Variants in ODF4 observed in about 807,000 individuals in gnomAD.
ODF4 encodes the protein outer dense fiber protein 4.
A neutral mutation model predicts 17.0 loss-of-function variants in ODF4; 11 were observed. That is an observed-to-expected ratio of 0.65 (90% CI 0.41 to 1.07). The LOEUF is 1.07. ODF4 is among the 50% of genes least tolerant of loss of function. ODF4 has a pLI of 0.00. For missense variants in ODF4, 281 were observed against 310.2 expected (o/e 0.91, Z 0.71); for synonymous variants, 127 against 121.8 (o/e 1.04, Z -0.28).
intron 1 of ODF4, chr17:8,344,808 C>T: frequency 1.1e-6 from 1 of 934,212 alleles, no homozygotes; most frequent in Non-Finnish European, 1.3e-6. Flanking sequence ...TGTATTTGCT[C>T]ATTTGATTAT....
In ODF4 at chr17:8,345,085, C is replaced by A; in HGVS notation, c.455-258C>A. 1.0e-6 allele frequency: 1 copy of A among 965,018 alleles called. No homozygotes were observed. The highest frequency in any genetic ancestry group is 1.4e-6 in the Non-Finnish European group (1 of 731,396). 59.8% of individuals were successfully genotyped at this position (965,018 alleles called of 1,614,324 possible). On this transcript the variant is annotated intron_variant, in intron 1 of 2. Coordinates refer to ENST00000328248, the MANE Select transcript of ODF4 (RefSeq NM_153007.5). The surrounding 1 kb of genome is among the most constrained non-coding windows in gnomAD (Gnocchi z 4.1). Reference sequence around the variant, plus strand: ...AAAGGTCCTTTGTTTTCCTAACCCCCATCTTCCTGGGCACTTCTCCCTCTT... The same window carrying A: ...AAAGGTCCTTTGTTTTCCTAACCCCAATCTTCCTGGGCACTTCTCCCTCTT...
chr17:8,344,759 T>C, intron 1 of ODF4: 1 of 505,322 alleles, frequency 2.0e-6, no homozygotes, highest in Non-Finnish European at 2.6e-6. Context: ...CGTGCTAGGA[T>C]TACAGGCGTG....
chr17:8,343,232 A>G (rs531193125), intron 1 of ODF4, among the ~76,000 whole-genome samples: 12 of 151,604 alleles, frequency 7.9e-5, no homozygotes, highest in Non-Finnish European at 1.8e-4. Flanking sequence ...CCTGGGCTCA[A>G]GTGATCCTTC....
rs368797797 is a variant in ODF4 at position 8,343,749 on chromosome 17, C to T, written c.455-1594C>T. ...CAGGATGGTCTCGATCTCCTGACCT[C>T]GTGATCTGCCCACCTCGGCCTCCCA... is the stretch of plus-strand genomic sequence containing the variant. On this transcript the variant is annotated intron_variant, in intron 1 of 2. Transcript: ENST00000328248. Among the ~76,000 whole-genome samples, 5 of 123,870 alleles carry T rather than the reference C, an allele frequency of 4.0e-5. 1 individual carries two copies. The highest frequency in any genetic ancestry group is 2.5e-4 in the South Asian group (1 of 3,924). The allele number at this position is 123,870 out of a possible 152,430, so 81.3% of individuals were successfully genotyped here.
rs1906233484 is a variant in ODF4 at position 8,345,988 on chromosome 17, C to T, written c.*136C>T. 6.2e-6 allele frequency: 4 copies of T among 643,246 alleles called. No homozygotes were observed. In the South Asian group the frequency reaches 8.3e-5, roughly 13 times the overall value. The allele number at this position is 643,246 out of a possible 1,614,324, so 39.8% of individuals were successfully genotyped here. The stretch of plus-strand genomic sequence containing the variant: ...GGAGGATTTTGCACTCCTCTGCTTT[C>T]TCCCTGCCTTGATTGAGCTTGAGTG... On this transcript the variant is annotated 3_prime_UTR_variant, in exon 3 of 3. Coordinates refer to ENST00000328248, the MANE Select transcript of ODF4 (RefSeq NM_153007.5). This position sits in a 1 kb window ranked among gnomAD's most constrained non-coding sequence, Gnocchi z 4.1.
intron 1 of ODF4, among the ~76,000 whole-genome samples, chr17:8,341,559 A>G (rs1597475720): frequency 6.6e-6 from 1 of 151,956 alleles, no homozygotes; most frequent in African/African-American, 2.4e-5. Context: ...CAGTGGTGCA[A>G]TCATAGCTCA....
intron 1 of ODF4, 77 bp downstream of exon 1, chr17:8,340,582 C>A: frequency 1.2e-6 from 1 of 805,504 alleles, no homozygotes; most frequent in Non-Finnish European, 2.0e-6. Flanking sequence ...TGGATGTATT[C>A]TTGTTCCCTC....
intron 1 of ODF4, among the ~76,000 whole-genome samples, chr17:8,342,211 C>A (rs57799067): frequency 1.3e-5 from 2 of 151,884 alleles, no homozygotes; most frequent in South Asian, 4.1e-4. Context: ...CCTTGCTCTA[C>A]GGAGTTACTC....
rs1244875480 is a variant in ODF4, at chr17:8,345,455, G to C, written c.567G>C (p.Val189=). 4 of 1,614,020 alleles carry C rather than the reference G, an allele frequency of 2.5e-6. No homozygotes were observed. Among genetic ancestry groups the C allele is most frequent in the Non-Finnish European group, 3.4e-6 (4 of 1,180,022 alleles). The change falls in exon 2 of 3, where the codon GTG becomes GTC. Residue 189 remains valine, a synonymous_variant. Coordinates refer to ENST00000328248, the MANE Select transcript of ODF4 (RefSeq NM_153007.5). The surrounding 1 kb of genome is among the most constrained non-coding windows in gnomAD (Gnocchi z 4.1). ...GGAGCTATTTCATTGGTTGGCTGGT[G>C]CTTATCCTATACTTCACCTGCGGTG... is the stretch of plus-strand genomic sequence containing the variant. The part of the protein sequence containing the change: ...IGWSYFIGWL[V]LILYFTCAIL...
rs919048665 is a variant in ODF4 at position 8,345,398 on chromosome 17, G to A, written c.510G>A (p.Glu170=). 1.2e-6 allele frequency: 2 copies of A among 1,613,770 alleles called. No homozygotes were observed. The highest frequency in any genetic ancestry group is 3.3e-5 in the Admixed American group (2 of 60,016). ...TCCCCATTAACATCTGGATCTTCGA[G>A]TTGGAAAGGAATGTATCCATCCCCA... ...MLFPINIWIF[E]LERNVSIPIG... Residue 170 remains glutamate, a synonymous_variant, in exon 2 of 3, where the codon GAG becomes GAA. Transcript: ENST00000328248. The surrounding 1 kb of genome is among the most constrained non-coding windows in gnomAD (Gnocchi z 4.1).
chr17:8,345,739 T>C lies in ODF4; in HGVS notation c.661T>C (p.Cys221Arg), dbSNP rs1368870227. 3.7e-6 allele frequency: 6 copies of C among 1,614,096 alleles called. No individual in the cohort carries two copies. The highest frequency in any genetic ancestry group is 5.1e-6 in the Non-Finnish European group (6 of 1,179,944). Reference protein sequence around the residue: ...ILSHPSGAVSCSSSFGSVEES... With the variant: ...ILSHPSGAVSRSSSFGSVEES... ...GAGCCACCCCAGTGGTGCCGTGTCCTGCAGCAGCAGTTTCGGCTCAGTAGA... is the reference window on the plus strand; with the variant it reads ...GAGCCACCCCAGTGGTGCCGTGTCCCGCAGCAGCAGTTTCGGCTCAGTAGA... Residue 221 changes from cysteine (C) to arginine (R), a missense_variant, in exon 3 of 3, where the codon TGC becomes CGC. Physicochemically the swap from Cys to Arg is radical, Grantham distance 180 (BLOSUM62 -3). Transcript: ENST00000328248. The surrounding 1 kb of genome is among the most constrained non-coding windows in gnomAD (Gnocchi z 4.1).
chr17:8,340,569 C>T lies in ODF4; in HGVS notation c.454+64C>T. 3 of 921,634 alleles carry T rather than the reference C, an allele frequency of 3.3e-6. No individual in the cohort carries two copies. The South Asian group carries it at 4.5e-5, about 14-fold the overall frequency. 57.1% of individuals were successfully genotyped at this position (921,634 alleles called of 1,614,324 possible). On this transcript the variant is annotated intron_variant, in intron 1 of 2. Coordinates refer to ENST00000328248, the MANE Select transcript of ODF4 (RefSeq NM_153007.5). ...GCCTGTCTTGGCCTCTGTATCTGCA[C>T]CCTGGATGTATTCTTGTTCCCTCTT...
Position 8,345,960 on chromosome 17 carries a change from A to C in ODF4, c.*108A>C, listed in dbSNP as rs1906232325. On this transcript the variant is annotated 3_prime_UTR_variant, in exon 3 of 3. Transcript: ENST00000328248. The surrounding 1 kb of genome is among the most constrained non-coding windows in gnomAD (Gnocchi z 4.1). The stretch of plus-strand genomic sequence containing the variant: ...GTCCTCATCATTGCAAGGAATGAGA[A>C]AGGGAGGATTTTGCACTCCTCTGCT... 15 of 882,016 alleles carry C rather than the reference A, an allele frequency of 1.7e-5. No homozygotes were observed. Among genetic ancestry groups the C allele is most frequent in the Non-Finnish European group, 2.5e-5 (14 of 566,000 alleles). The allele number at this position is 882,016 out of a possible 1,614,324, so 54.6% of individuals were successfully genotyped here. A position where few individuals can be genotyped will look rare whatever the true frequency, so the allele number is the denominator to read the frequency against.
At chr17:8,340,666 T>G (rs1203095119) in intron 1 of ODF4, among the ~76,000 whole-genome samples, 161 bp downstream of exon 1, 1 of 152,132 alleles carries the variant, frequency 6.6e-6, no homozygotes, top group African/African-American at 2.4e-5. Context: ...TCGTTTCTCA[T>G]CCTGTAGCCT....
chr17:8,345,454 T>C lies in ODF4; in HGVS notation c.566T>C (p.Val189Ala), dbSNP rs201355864. Reference protein sequence around the residue: ...IGWSYFIGWLVLILYFTCAIL... With the variant: ...IGWSYFIGWLALILYFTCAIL... ...TGGAGCTATTTCATTGGTTGGCTGG[T>C]GCTTATCCTATACTTCACCTGCGGT... The change falls in exon 2 of 3, where the codon GTG (valine) becomes GCG (alanine). Residue 189 changes from valine (V) to alanine (A), a missense_variant. Coordinates refer to ENST00000328248, the MANE Select transcript of ODF4 (RefSeq NM_153007.5). The surrounding 1 kb of genome is among the most constrained non-coding windows in gnomAD (Gnocchi z 4.1). The C allele has an allele frequency of 6.2e-7, 1 of 1,614,132 alleles. No homozygotes were observed. Among genetic ancestry groups the C allele is most frequent in the Admixed American group, 1.7e-5 (1 of 60,022 alleles).
Position 8,340,522 on chromosome 17 carries a change from C to G in ODF4, c.454+17C>G, listed in dbSNP as rs770031670. The G allele has an allele frequency of 4.0e-6, 6 of 1,504,510 alleles. No individual in the cohort carries two copies. The highest frequency in any genetic ancestry group is 2.3e-5 in the East Asian group (1 of 44,374). The allele number at this position is 1,504,510 out of a possible 1,614,324, so 93.2% of individuals were successfully genotyped here. On this transcript the variant is annotated intron_variant, in intron 1 of 2. Coordinates refer to ENST00000328248, the MANE Select transcript of ODF4 (RefSeq NM_153007.5). ...ATGGGAAAGGTGAGCCCCTCCACCCCCCATCCCAGCCCAGGCCGCCAGCCT... is the reference window on the plus strand; with the variant it reads ...ATGGGAAAGGTGAGCCCCTCCACCCGCCATCCCAGCCCAGGCCGCCAGCCT...
Position 8,345,124 on chromosome 17 carries a change from A to T in ODF4, c.455-219A>T. ...CTTCTCCCTCTTCTTTGGGGGTGGT[A>T]TGAGGGTTTTGTGGGTGGTGGGAGA... On this transcript the variant is annotated intron_variant, in intron 1 of 2. Coordinates refer to ENST00000328248, the MANE Select transcript of ODF4 (RefSeq NM_153007.5). The surrounding 1 kb of genome is among the most constrained non-coding windows in gnomAD (Gnocchi z 4.1). 1 of 820,344 alleles carries T rather than the reference A, an allele frequency of 1.2e-6. No homozygotes were observed. Among genetic ancestry groups the T allele is most frequent in the Non-Finnish European group, 1.8e-6 (1 of 561,492 alleles). The allele number at this position is 820,344 out of a possible 1,614,324, so 50.8% of individuals were successfully genotyped here. A position where few individuals can be genotyped will look rare whatever the true frequency, so the allele number is the denominator to read the frequency against.
intron 1 of ODF4, among the ~76,000 whole-genome samples, chr17:8,342,511 TC>T (rs367792046): frequency 0.35 from 52,607 of 151,904 alleles, 9,449 homozygotes; most frequent in African/African-American, 0.45. Context: ...CCAAAGTGCC[TC>T]GGCTCACGGA....
At chr17:8,341,472 C>T (rs1377162421) in intron 1 of ODF4, among the ~76,000 whole-genome samples, 1 of 152,008 alleles carries the variant, frequency 6.6e-6, no homozygotes, top group Non-Finnish European at 1.5e-5. Flanking sequence ...TGCTTCATTC[C>T]TCATCCTTGT....
Sources: gnomAD v4.1 joint callset for allele counts (sites outside exome capture counted in the v4.1 genomes callset) on GRCh38, gnomAD v4.1.1 for gene constraint, Gnocchi (gnomAD v3.1) non-coding constraint, MANE v1.5 for transcripts, NCBI Gene and HGNC (gene_info 2026-07-23, HGNC 2026-07-21) for gene names.